Variants in CADPS observed in about 807,000 individuals in gnomAD.
CADPS encodes calcium-dependent secretion activator 1.
A neutral mutation model predicts 167.3 loss-of-function variants in CADPS; 57 were observed. That is an observed-to-expected ratio of 0.34 (90% confidence interval 0.28 to 0.42). The LOEUF (loss-of-function observed/expected upper bound fraction) is 0.42, where lower values mean the gene tolerates loss of function less well. CADPS is among the 20% of genes least tolerant of loss of function. The pLI, the probability that CADPS is intolerant of heterozygous loss-of-function variation, is 1.00. For synonymous variants in CADPS, 676 were observed against 635.3 expected (o/e 1.06, Z -0.96); for missense variants, 1,414 against 1,738.1 (o/e 0.81, Z 3.32).
chr3:62,832,236 A>T (rs946275071), intron 1 of CADPS, among the ~76,000 whole-genome samples: 2 of 152,206 alleles, frequency 1.3e-5, no homozygotes, highest in African/African-American at 4.8e-5. Flanking sequence ...TACTAGTTTT[A>T]AAAATACTCC....
intron 1 of CADPS, among the ~76,000 whole-genome samples, chr3:62,813,038 C>T (rs1182315009): frequency 1.3e-5 from 2 of 151,910 alleles, no homozygotes; most frequent in Admixed American, 1.3e-4. Flanking sequence ...GTCATATTGC[C>T]CACAACAATC....
intron 2 of CADPS, among the ~76,000 whole-genome samples, chr3:62,759,838 C>T (rs2084954032): frequency 6.6e-6 from 1 of 152,074 alleles, no homozygotes; most frequent in Non-Finnish European, 1.5e-5. Flanking sequence ...CTTTCACGGT[C>T]ATTTGAAACA....
At chr3:62,520,903 C>A (rs897465480) in intron 13 of CADPS, among the ~76,000 whole-genome samples, 7 of 152,156 alleles carry the variant, frequency 4.6e-5, no homozygotes, top group Admixed American at 3.9e-4. Flanking sequence ...TGTTCATCGA[C>A]CCCTATAATT....
chr3:62,451,672 G>A (rs747384558), intron 26 of CADPS, among the ~76,000 whole-genome samples: 3 of 151,890 alleles, frequency 2.0e-5, no homozygotes, highest in Non-Finnish European at 4.4e-5. Context: ...CTCCACCCCC[G>A]CCTGTTTGAC....
In CADPS at chr3:62,749,511, G is replaced by T. The variant is rs895801691; in HGVS notation, c.888+3930C>A. 3.3e-5 allele frequency among the ~76,000 whole-genome samples: 5 copies of T among 152,208 alleles called. No individual in the cohort carries two copies. The East Asian group carries it at 9.6e-4, about 29-fold the overall frequency. On this transcript the variant is annotated intron_variant, in intron 3 of 29. Transcript: ENST00000383710. ...TGCTTTGTTTGGTAAGGAGAAGAAG[G>T]TCCAGAAAATACAAAATTAAACAGG...
intron 28 of CADPS, among the ~76,000 whole-genome samples, chr3:62,432,706 T>G (rs2054221659): frequency 6.6e-6 from 1 of 152,120 alleles, no homozygotes; most frequent in Non-Finnish European, 1.5e-5. Flanking sequence ...TCATAATAAC[T>G]CCACGATTAT....
intron 1 of CADPS, among the ~76,000 whole-genome samples, chr3:62,811,796 C>G (rs762896468): frequency 3.3e-5 from 5 of 152,230 alleles, no homozygotes; most frequent in Non-Finnish European, 5.9e-5. Context: ...TCCATTGTCT[C>G]TAAATGTCGT....
In CADPS at chr3:62,399,932, A is replaced by G. The variant is rs1201273337; in HGVS notation, c.3883-347T>C. Among the ~76,000 whole-genome samples, 1 of 152,208 alleles carries G rather than the reference A, an allele frequency of 6.6e-6. No individual in the cohort carries two copies. The highest frequency in any genetic ancestry group is 1.5e-5 in the Non-Finnish European group (1 of 68,038). On this transcript the variant is annotated intron_variant, in intron 29 of 29. Transcript: ENST00000383710. This position sits in a 1 kb window ranked among gnomAD's most constrained non-coding sequence, Gnocchi z 5.6. The stretch of plus-strand genomic sequence containing the variant: ...TCTTAGGTTAGTGTAATGTAATATG[A>G]TAGACACAGGAAGGGGCTATAATAT...
chr3:62,487,355 C>T (rs1371965819), intron 21 of CADPS, among the ~76,000 whole-genome samples: 1 of 152,174 alleles, frequency 6.6e-6, no homozygotes, highest in African/African-American at 2.4e-5. Context: ...AAATGTTGTC[C>T]ATTTCTTGTT....
chr3:62,726,109 C>T (rs758410922), intron 3 of CADPS, among the ~76,000 whole-genome samples: 6 of 151,728 alleles, frequency 4.0e-5, no homozygotes, highest in Non-Finnish European at 8.8e-5. Context: ...AGGGGATCAA[C>T]AGGGTGAAGG....
intron 28 of CADPS, among the ~76,000 whole-genome samples, chr3:62,422,950 G>C (rs1019965923): frequency 2.0e-5 from 3 of 152,176 alleles, no homozygotes; most frequent in Non-Finnish European, 4.4e-5. Context: ...GGGATGTAAT[G>C]CTATTGTGTT....
Position 62,793,706 on chromosome 3 carries a change from A to G in CADPS, c.442-27722T>C, listed in dbSNP as rs141703397. On this transcript the variant is annotated intron_variant, in intron 1 of 29. Transcript: ENST00000383710. ...TTAGATTCATGGACTTTCACATACAATTTTTTTAAAAATTGAAACCATCCT... is the reference window on the plus strand; with the variant it reads ...TTAGATTCATGGACTTTCACATACAGTTTTTTTAAAAATTGAAACCATCCT... Among the ~76,000 whole-genome samples, 14 of 152,274 alleles carry G rather than the reference A, an allele frequency of 9.2e-5. No homozygotes were observed. In the East Asian group the frequency reaches 2.5e-3, roughly 27 times the overall value.
At chr3:62,418,845 A>G (rs1044479200) in intron 28 of CADPS, among the ~76,000 whole-genome samples, 3 of 152,136 alleles carry the variant, frequency 2.0e-5, no homozygotes, top group Non-Finnish European at 4.4e-5. Context: ...TGTCAAAATT[A>G]GATCTGTGCT....
intron 1 of CADPS, among the ~76,000 whole-genome samples, chr3:62,788,243 G>C (rs967059531): frequency 2.0e-5 from 3 of 152,146 alleles, no homozygotes; most frequent in Non-Finnish European, 4.4e-5. Flanking sequence ...TGAAAAATAA[G>C]AGGGTCTTGG....
rs372022670 is a variant in CADPS, at chr3:62,753,491, T to C, written c.838A>G (p.Ile280Val). Residue 280 changes from isoleucine (I) to valine (V), a missense_variant, in exon 3 of 30, where the codon ATT (isoleucine) becomes GTT (valine). Around this residue, in one of 6 missense-constraint regions of CADPS, gnomAD observed 522 missense variants for 559.5 expected, o/e 0.93. Coordinates refer to ENST00000383710, the MANE Select transcript of CADPS (RefSeq NM_003716.4). This position sits in a 1 kb window ranked among gnomAD's most constrained non-coding sequence, Gnocchi z 4.6. ...TGTTCGAACTTCTTGATCCCAAGAATGTTCTGGAACATCTCATAGAGTTGC... is the reference window on the plus strand; with the variant it reads ...TGTTCGAACTTCTTGATCCCAAGAACGTTCTGGAACATCTCATAGAGTTGC... ...KEQLYEMFQN[I>V]LGIKKFEHQL... is the part of the protein sequence containing the mutation. The C allele has an allele frequency of 6.8e-6, 11 of 1,613,818 alleles. No individual in the cohort carries two copies. Among genetic ancestry groups the C allele is most frequent in the Non-Finnish European group, 9.3e-6 (11 of 1,179,924 alleles).
At chr3:62,790,797 C>T (rs536868694) in intron 1 of CADPS, among the ~76,000 whole-genome samples, 3 of 152,260 alleles carry the variant, frequency 2.0e-5, no homozygotes, top group South Asian at 2.1e-4. Flanking sequence ...CTTAACAAAG[C>T]TACACATGGA....
Position 62,802,909 on chromosome 3 carries a change from G to C in CADPS, c.442-36925C>G, listed in dbSNP as rs567974309. Reference sequence around the variant, plus strand: ...GGCATTTTTCTGTGTCCCCAAATAGGTCATTTCCAGCAATACGTCCACACT... The same window carrying C: ...GGCATTTTTCTGTGTCCCCAAATAGCTCATTTCCAGCAATACGTCCACACT... On this transcript the variant is annotated intron_variant, in intron 1 of 29. Transcript: ENST00000383710. Among the ~76,000 whole-genome samples, 71 of 152,196 alleles carry C rather than the reference G, an allele frequency of 4.7e-4. 1 individual carries two copies. Among genetic ancestry groups the C allele is most frequent in the African/African-American group, 1.7e-3 (69 of 41,544 alleles).
At chr3:62,743,602 A>AG (rs1275084485) in intron 3 of CADPS, among the ~76,000 whole-genome samples, 2 of 152,228 alleles carry the variant, frequency 1.3e-5, no homozygotes, top group Non-Finnish European at 2.9e-5. Context: ...ATCACACAAA[A>AG]GCATGACAAG....
At chr3:62,682,824 G>A (rs910718771) in intron 3 of CADPS, among the ~76,000 whole-genome samples, 1 of 152,000 alleles carries the variant, frequency 6.6e-6, no homozygotes, top group Admixed American at 6.6e-5. Flanking sequence ...AATCTAGGGA[G>A]GAATGCAAAC....
Sources: allele counts gnomAD v4.1 joint callset (sites outside exome capture counted in the v4.1 genomes callset), GRCh38; gene constraint gnomAD v4.1.1; regional missense constraint gnomAD v4.1.1; non-coding constraint Gnocchi (gnomAD v3.1); transcripts MANE v1.5; gene names NCBI Gene and HGNC (gene_info 2026-07-23, HGNC 2026-07-21).